Variants in UBE3B observed in about 807,000 individuals in gnomAD.
UBE3B encodes ubiquitin protein ligase E3B, also known as ubiquitin-protein ligase E3B.
Under a neutral mutation model 132.3 loss-of-function variants are expected in UBE3B, and 80 were observed. The observed-to-expected ratio is 0.60, with a 90% CI of 0.50 to 0.73. The LOEUF is 0.73. Among genes scored for constraint, UBE3B ranks in the 30% least tolerant of loss-of-function variants. UBE3B has a pLI of 0.00. For missense variants in UBE3B, 1,196 were observed against 1,362.5 expected (o/e 0.88, Z 1.92); for synonymous variants, 487 against 520.4 (o/e 0.94, Z 0.87).
At chr12:109,518,714 T>G (rs1466380775) in intron 19 of UBE3B, among the ~76,000 whole-genome samples, 1 of 152,230 alleles carries the variant, frequency 6.6e-6, no homozygotes. Flanking sequence ...CATTGCTTAT[T>G]GGAAATTCAC....
At chr12:109,545,967 G>A in the UBE3B span, among the ~76,000 whole-genome samples, 6 of 152,136 alleles carry the variant, frequency 3.9e-5, no homozygotes, top group Admixed American at 3.9e-4. Context: ...ACCGGGTAGA[G>A]GGAGGCCAGA....
chr12:109,521,473 A>G lies in UBE3B; in HGVS notation c.2286A>G (p.Ser762=). 1 of 1,597,012 alleles carries G rather than the reference A, an allele frequency of 6.3e-7. No homozygotes were observed. Among genetic ancestry groups the G allele is most frequent in the Non-Finnish European group, 8.6e-7 (1 of 1,168,502 alleles). Residue 762 remains serine (S), a synonymous_variant, in exon 21 of 28, where the codon TCA becomes TCG. Transcript: ENST00000342494. The surrounding 1 kb of genome is among the most constrained non-coding windows in gnomAD (Gnocchi z 4.2). Reference sequence around the variant, plus strand: ...GTGGGGATGAGAGGCTGTACCCCTCACCCACATCCTACATCCATGAGAATT... The same window carrying G: ...GTGGGGATGAGAGGCTGTACCCCTCGCCCACATCCTACATCCATGAGAATT... ...TTSGDERLYP[S]PTSYIHENYL...
chr12:109,505,118 A>G (rs1460457953), intron 14 of UBE3B, among the ~76,000 whole-genome samples: 1 of 152,182 alleles, frequency 6.6e-6, no homozygotes, highest in African/African-American at 2.4e-5. Flanking sequence ...TTTTTTAGTC[A>G]ACTTGAAAAT....
intron 13 of UBE3B, among the ~76,000 whole-genome samples, chr12:109,502,453 G>A (rs1879122798): frequency 1.3e-5 from 2 of 152,198 alleles, no homozygotes; most frequent in African/African-American, 4.8e-5. Flanking sequence ...CCTGCCTGTG[G>A]TGGGTTTTCA....
downstream of UBE3B, among the ~76,000 whole-genome samples, chr12:109,538,600 T>C (rs1444048450): frequency 6.6e-6 from 1 of 152,178 alleles, no homozygotes; most frequent in East Asian, 1.9e-4. The surrounding 1 kb of genome is among the most constrained non-coding windows in gnomAD (Gnocchi z 4.1). Flanking sequence ...CTTCCTACAT[T>C]TCCTCACCTT....
At position 109,530,604 on chromosome 12, in the gene UBE3B, C is replaced by G. The variant is rs529584441; in HGVS notation, c.2868C>G (p.Leu956=). 3 of 1,614,174 alleles carry G rather than the reference C, an allele frequency of 1.9e-6. No homozygotes were observed. In the African/African-American group the frequency reaches 4.0e-5, roughly 22 times the overall value. Reference sequence around the variant, plus strand: ...GAAGTCACAGAGTCATCATCTGGCTCTGGGATATTCTGGCCTCCGACTTCA... The same window carrying G: ...GAAGTCACAGAGTCATCATCTGGCTGTGGGATATTCTGGCCTCCGACTTCA... ...FHGSHRVIIW[L]WDILASDFTP... Residue 956 remains leucine, a synonymous_variant, in exon 26 of 28, where the codon CTC becomes CTG. Transcript: ENST00000342494.
At chr12:109,524,366 A>G (rs1882065658) in intron 22 of UBE3B, 72 bp from the exon 23 acceptor site, 1 of 1,572,502 alleles carries the variant, frequency 6.4e-7, no homozygotes, top group Non-Finnish European at 8.7e-7. Context: ...GCAGCGCCTC[A>G]AGGGAGGGTT....
intron 8 of UBE3B, 98 bp downstream of exon 8, chr12:109,490,102 A>T: frequency 1.6e-6 from 2 of 1,221,588 alleles, no homozygotes; most frequent in South Asian, 1.2e-5. Context: ...TGTCCTCCTC[A>T]GAAACACTTT....
chr12:109,529,401 C>T (rs552715717), intron 24 of UBE3B, among the ~76,000 whole-genome samples: 70 of 152,276 alleles, frequency 4.6e-4, no homozygotes, highest in African/African-American at 1.4e-3. Context: ...CTTGCCATAG[C>T]ATTAGACTGT....
At chr12:109,480,729 C>T (rs2099899947) in intron 1 of UBE3B, among the ~76,000 whole-genome samples, 1 of 152,018 alleles carries the variant, frequency 6.6e-6, no homozygotes, top group African/African-American at 2.4e-5. Context: ...TGTGTGACTC[C>T]CAAAGCCCGT....
intron 8 of UBE3B, 133 bp downstream of exon 8, chr12:109,490,137 T>C: frequency 1.1e-6 from 1 of 947,708 alleles, no homozygotes; most frequent in South Asian, 1.3e-5. Flanking sequence ...TGATGCCTGC[T>C]GTCCTCTTCT....
At chr12:109,480,737 C>T (rs1295547337) in intron 1 of UBE3B, among the ~76,000 whole-genome samples, 1 of 152,010 alleles carries the variant, frequency 6.6e-6, no homozygotes, top group Non-Finnish European at 1.5e-5. Flanking sequence ...TCCCAAAGCC[C>T]GTGTGCCCCT....
rs1365466767 is a variant in UBE3B, at chr12:109,526,492, A to G, written c.2627+76A>G. ...CTGGCTCTCTGCGCTTATGTTGAGA[A>G]TTTATTAAGATAGATTGAAGTAGAA... is the stretch of plus-strand genomic sequence containing the variant. On this transcript the variant is annotated intron_variant, in intron 24 of 27. Coordinates refer to ENST00000342494, the MANE Select transcript of UBE3B (RefSeq NM_130466.4). 1.2e-5 allele frequency: 17 copies of G among 1,427,028 alleles called. No individual in the cohort carries two copies. In the Admixed American group the frequency reaches 2.9e-4, roughly 25 times the overall value. The allele number at this position is 1,427,028 out of a possible 1,614,324, so 88.4% of individuals were successfully genotyped here.
At chr12:109,519,409 G>A (rs1881440740) in intron 19 of UBE3B, 3 of 152,426 alleles carry the variant, frequency 2.0e-5, no homozygotes, top group East Asian at 1.9e-4. Flanking sequence ...CCCTCTAAAC[G>A]TTTAAACAAA....
At chr12:109,542,186 A>C in the UBE3B span, among the ~76,000 whole-genome samples, 1 of 152,174 alleles carries the variant, frequency 6.6e-6, no homozygotes, top group African/African-American at 2.4e-5. Context: ...AGGACGGGAA[A>C]TATTTGGCGC....
At chr12:109,510,537 C>T in intron 17 of UBE3B, 79 bp downstream of exon 17, 1 of 1,180,760 alleles carries the variant, frequency 8.5e-7, no homozygotes, top group Non-Finnish European at 1.2e-6. Flanking sequence ...CTCTCATGTT[C>T]TAGGGCAGAG....
chr12:109,535,093 C>A lies in UBE3B; in HGVS notation c.*311C>A. The A allele has an allele frequency of 3.9e-6, 1 of 253,868 alleles. No homozygotes were observed. Among genetic ancestry groups the A allele is most frequent in the Non-Finnish European group, 7.4e-6 (1 of 134,376 alleles). The allele number at this position is 253,868 out of a possible 1,614,324, so 15.7% of individuals were successfully genotyped here. A position where few individuals can be genotyped will look rare whatever the true frequency, so the allele number is the denominator to read the frequency against. On this transcript the variant is annotated 3_prime_UTR_variant, in exon 28 of 28. Coordinates refer to ENST00000342494, the MANE Select transcript of UBE3B (RefSeq NM_130466.4). ...CTAGTTTGATCTTTTGGGAGTCTGT[C>A]TTTCCTTAGCCGTCTGAGTGAGCTG...
rs1592945717 is a variant in UBE3B, at chr12:109,516,467, A to G, written c.1957-298A>G. ...GCTGGGATTACAGGCGTGAGCCCCCACGCCCAGCCTTGAGGAGGATTTTCT... is the reference window on the plus strand; with the variant it reads ...GCTGGGATTACAGGCGTGAGCCCCCGCGCCCAGCCTTGAGGAGGATTTTCT... On this transcript the variant is annotated intron_variant, in intron 18 of 27. Transcript: ENST00000342494. Among the ~76,000 whole-genome samples the G allele has an allele frequency of 3.9e-5, 6 of 151,942 alleles. No individual in the cohort carries two copies. In the South Asian group the frequency reaches 1.2e-3, roughly 32 times the overall value.
chr12:109,520,154 A>G (rs943702732), intron 19 of UBE3B: 3 of 152,252 alleles, frequency 2.0e-5, no homozygotes, highest in Admixed American at 6.5e-5. Context: ...GTTCCATCAC[A>G]GTGTCTGAAG....
Sources: gnomAD v4.1 joint callset for allele counts (sites outside exome capture counted in the v4.1 genomes callset) on GRCh38, gnomAD v4.1.1 for gene constraint, Gnocchi (gnomAD v3.1) non-coding constraint, MANE v1.5 for transcripts, NCBI Gene and HGNC (gene_info 2026-07-23, HGNC 2026-07-21) for gene names.